Variants in RERG observed in about 807,000 individuals in gnomAD.
RERG encodes ras-related and estrogen-regulated growth inhibitor.
RERG carries 25 observed loss-of-function variants against 23.2 expected under a neutral mutation model. The observed-to-expected ratio is 1.08, with a 90% CI of 0.79 to 1.50. The LOEUF is 1.50. Ranked by LOEUF, RERG falls within the 40% of genes most tolerant of loss-of-function variation. The pLI is 0.00. For missense variants in RERG, 253 were observed against 250.1 expected (o/e 1.01, Z -0.08); for synonymous variants, 81 against 89.1 (o/e 0.91, Z 0.51).
chr12:15,149,123 T>C (rs965665890), intron 2 of RERG, among the ~76,000 whole-genome samples: 2 of 151,770 alleles, frequency 1.3e-5, no homozygotes, highest in Non-Finnish European at 2.9e-5. Flanking sequence ...CCCGCCTCGG[T>C]TTCCCAAAGT....
chr12:15,173,957 C>G (rs1355114199), intron 2 of RERG, among the ~76,000 whole-genome samples: 1 of 151,772 alleles, frequency 6.6e-6, no homozygotes, highest in Non-Finnish European at 1.5e-5. Context: ...TTTAAAAATA[C>G]TTTTATTCTG....
chr12:15,219,050 C>A (rs540415212), intron 1 of RERG, among the ~76,000 whole-genome samples: 62 of 152,248 alleles, frequency 4.1e-4, no homozygotes, highest in African/African-American at 1.4e-3. Context: ...CCCCTCATTC[C>A]GAACATTTGC....
chr12:15,210,529 A>G (rs1449098120), intron 2 of RERG, among the ~76,000 whole-genome samples: 3 of 152,210 alleles, frequency 2.0e-5, no homozygotes, highest in Non-Finnish European at 4.4e-5. Context: ...GTCAACCTGC[A>G]AAGTACTTAG....
chr12:15,152,985 A>G (rs973984101), intron 2 of RERG, among the ~76,000 whole-genome samples: 1 of 152,168 alleles, frequency 6.6e-6, no homozygotes, highest in Non-Finnish European at 1.5e-5. Flanking sequence ...TTTACTTACC[A>G]CACATGAACA....
intron 3 of RERG, among the ~76,000 whole-genome samples, chr12:15,113,255 TTAGAA>T (rs1863656643): frequency 6.6e-6 from 1 of 151,818 alleles, no homozygotes; most frequent in Non-Finnish European, 1.5e-5. Flanking sequence ...ACTCAATAAA[TTAGAA>T]GAGAAGAAAC....
chr12:15,116,231 C>A (rs1168684470), intron 3 of RERG, among the ~76,000 whole-genome samples: 6 of 152,180 alleles, frequency 3.9e-5, no homozygotes, highest in African/African-American at 1.4e-4. Context: ...TGCTGGGGAG[C>A]CATGCCCTTT....
At chr12:15,173,418 T>C (rs1369508529) in intron 2 of RERG, among the ~76,000 whole-genome samples, 2 of 152,014 alleles carry the variant, frequency 1.3e-5, no homozygotes, top group South Asian at 2.1e-4. Context: ...TCCAAGTTTG[T>C]TCCTCTTTTT....
intron 2 of RERG, among the ~76,000 whole-genome samples, chr12:15,190,565 A>C (rs1282294620): frequency 6.6e-6 from 1 of 152,184 alleles, no homozygotes; most frequent in East Asian, 1.9e-4. Context: ...AGGTCAACCC[A>C]GTTCTGATAG....
chr12:15,149,995 A>G (rs1864410774), intron 2 of RERG, among the ~76,000 whole-genome samples: 1 of 152,136 alleles, frequency 6.6e-6, no homozygotes. Flanking sequence ...TTGCATATGC[A>G]GGGTATAGAC....
intron 2 of RERG, among the ~76,000 whole-genome samples, chr12:15,122,804 T>G (rs1218003276): frequency 1.3e-5 from 2 of 151,682 alleles, no homozygotes; most frequent in African/African-American, 4.8e-5. Flanking sequence ...TTTTTTGTTT[T>G]TTGTTTTCGT....
chr12:15,194,730 G>T (rs749766192), intron 2 of RERG, among the ~76,000 whole-genome samples: 2 of 152,106 alleles, frequency 1.3e-5, no homozygotes, highest in African/African-American at 2.4e-5. Context: ...AGGATCTCTT[G>T]CTGTGTCCAT....
chr12:15,176,885 A>G (rs1414916864), intron 2 of RERG, among the ~76,000 whole-genome samples: 1 of 152,218 alleles, frequency 6.6e-6, no homozygotes, highest in East Asian at 1.9e-4. Context: ...AAAAGAGCTC[A>G]TTCTTTCCTA....
chr12:15,169,901 C>A (rs1431440168), intron 2 of RERG, among the ~76,000 whole-genome samples: 1 of 149,434 alleles, frequency 6.7e-6, no homozygotes, highest in East Asian at 2.0e-4. Context: ...ACAAGAAGGA[C>A]ACACGTCATC....
At chr12:15,138,072 C>T (rs1239609607) in intron 2 of RERG, 1 of 279,046 alleles carries the variant, frequency 3.6e-6, no homozygotes, top group Non-Finnish European at 7.2e-6. Flanking sequence ...TGTCAAAATG[C>T]TTCAGATATT....
At chr12:15,185,465 T>A (rs1591662283) in intron 2 of RERG, among the ~76,000 whole-genome samples, 1 of 152,094 alleles carries the variant, frequency 6.6e-6, no homozygotes, top group African/African-American at 2.4e-5. Context: ...CTCACTCCCC[T>A]GGATCTCCTG....
At chr12:15,136,536 T>C (rs910350978) in intron 2 of RERG, among the ~76,000 whole-genome samples, 1 of 152,074 alleles carries the variant, frequency 6.6e-6, no homozygotes, top group African/African-American at 2.4e-5. Flanking sequence ...ATGAATTCAA[T>C]GCTACAAATT....
intron 2 of RERG, among the ~76,000 whole-genome samples, chr12:15,130,191 C>A (rs756782685): frequency 6.6e-6 from 1 of 152,272 alleles, no homozygotes; most frequent in South Asian, 2.1e-4. Context: ...GTGCTAGGCA[C>A]TGCCCCATAA....
chr12:15,157,803 A>G (rs74592966), intron 2 of RERG, among the ~76,000 whole-genome samples: 2 of 152,188 alleles, frequency 1.3e-5, no homozygotes, highest in East Asian at 3.9e-4. Context: ...TTTTGTATAT[A>G]TTTTCAAACT....
At position 15,141,574 on chromosome 12, in the gene RERG, C is replaced by T. The variant is rs1482395398; in HGVS notation, c.62-20455G>A. Among the ~76,000 whole-genome samples, 3 of 152,268 alleles carry T rather than the reference C, an allele frequency of 2.0e-5. No homozygotes were observed. In the East Asian group the frequency reaches 5.8e-4, roughly 29 times the overall value. On this transcript the variant is annotated intron_variant, in intron 2 of 4. Coordinates refer to ENST00000256953, the MANE Select transcript of RERG (RefSeq NM_032918.3). Reference sequence around the variant, plus strand: ...ATTTTTAATATTAGAGAACATTTCACAGTCCCATCAGCTTCTGTTCAGGTG... The same window carrying T: ...ATTTTTAATATTAGAGAACATTTCATAGTCCCATCAGCTTCTGTTCAGGTG...
Sources: gnomAD v4.1 joint callset for allele counts (sites outside exome capture counted in the v4.1 genomes callset) on GRCh38, gnomAD v4.1.1 for gene constraint, MANE v1.5 for transcripts, NCBI Gene and HGNC (gene_info 2026-07-23, HGNC 2026-07-21) for gene names.